LRRC43: variants seen among roughly 807,000 people sequenced by gnomAD.
LRRC43 encodes leucine rich repeat containing 43, also known as leucine-rich repeat-containing protein 43.
In LRRC43, 62 loss-of-function variants were observed where a neutral mutation model predicts 64.3. That is an observed-to-expected ratio of 0.96 (90% confidence interval 0.79 to 1.19). The LOEUF is 1.19. LRRC43 is among the 50% of genes most tolerant of loss of function. The pLI, the probability that LRRC43 is intolerant of heterozygous loss-of-function variation, is 0.00. For missense variants in LRRC43, 868 were observed against 845.0 expected (o/e 1.03, Z -0.34); for synonymous variants, 422 against 382.3 (o/e 1.10, Z -1.21).
In LRRC43 at chr12:122,193,381, T is replaced by TAAAAAAA. The variant is rs34910328; in HGVS notation, c.1349+399_1349+405dup. Among the ~76,000 whole-genome samples, 98 of 47,176 alleles carry TAAAAAAA rather than the reference T, an allele frequency of 2.1e-3. 7 individuals are homozygous for TAAAAAAA. The highest frequency in any genetic ancestry group is 5.4e-3 in the African/African-American group (64 of 11,786). 30.9% of individuals were successfully genotyped at this position (47,176 alleles called of 152,430 possible). A position where few individuals can be genotyped will look rare whatever the true frequency, so the allele number is the denominator to read the frequency against. ...GGCGACAGAGCGAGACTCCGTCTCA[T>TAAAAAAA]AAAAAAAAAAAAAAAAAAAAAAAAA... On this transcript the variant is annotated intron_variant, in intron 7 of 11. Transcript: ENST00000339777.
chr12:122,172,080 A>G (rs908288850), intron 1 of LRRC43: 16 of 195,660 alleles, frequency 8.2e-5, no homozygotes, highest in Non-Finnish European at 1.4e-4. Context: ...GGGCTCCCCC[A>G]GGGAGCATTG....
At position 122,200,533 on chromosome 12, in the gene LRRC43, T is replaced by C. The variant is rs1319629606; in HGVS notation, c.1493T>C (p.Ile498Thr). Residue 498 changes from isoleucine (I) to threonine (T), a missense_variant and splice_region_variant, in exon 9 of 12, where the codon ATT (isoleucine) becomes ACT (threonine). Coordinates refer to ENST00000339777, the MANE Select transcript of LRRC43 (RefSeq NM_001098519.2). This position sits in a 1 kb window ranked among gnomAD's most constrained non-coding sequence, Gnocchi z 4.6. Reference protein sequence around the residue: ...GTTVTIVEEKILSWPVVLPAV... With the variant: ...GTTVTIVEEKTLSWPVVLPAV... ...TCGAGGATTCTCTCCTGCCCCTAGA[T>C]TCTCTCCTGGCCTGTGGTGCTACCT... 1.2e-6 allele frequency: 2 copies of C among 1,614,030 alleles called. No individual in the cohort carries two copies. Among genetic ancestry groups the C allele is most frequent in the Admixed American group, 1.7e-5 (1 of 60,016 alleles).
chr12:122,185,022 T>G (rs564068083), intron 2 of LRRC43, among the ~76,000 whole-genome samples: 5 of 152,322 alleles, frequency 3.3e-5, no homozygotes, highest in Admixed American at 3.3e-4. Context: ...CTTCCACCCC[T>G]GAGTTCTGCA....
chr12:122,200,227 A>G lies in LRRC43; in HGVS notation c.1388A>G (p.Glu463Gly). The G allele has an allele frequency of 6.2e-7, 1 of 1,613,782 alleles. No homozygotes were observed. The highest frequency in any genetic ancestry group is 8.5e-7 in the Non-Finnish European group (1 of 1,179,936). Residue 463 changes from glutamate to glycine, a missense_variant, in exon 8 of 12, where the codon GAG (glutamate) becomes GGG (glycine). Transcript: ENST00000339777. The surrounding 1 kb of genome is among the most constrained non-coding windows in gnomAD (Gnocchi z 4.6). Reference sequence around the variant, plus strand: ...AGCACTGCCCACAAGCCCTGGGCTGAGGTCATCCCCTGCAGTTACGAGATG... The same window carrying G: ...AGCACTGCCCACAAGCCCTGGGCTGGGGTCATCCCCTGCAGTTACGAGATG... ...LFSTAHKPWAEVIPCSYEMQH... is the reference protein window; with the variant it reads ...LFSTAHKPWAGVIPCSYEMQH...
upstream of LRRC43, among the ~76,000 whole-genome samples, chr12:122,181,474 C>A (rs1404885642): frequency 6.8e-6 from 1 of 147,450 alleles, no homozygotes; most frequent in Non-Finnish European, 1.5e-5. Context: ...ACCTGGCAGG[C>A]GGAGCTTGCA....
chr12:122,201,184 C>T (rs753531987), intron 10 of LRRC43, 112 bp from the exon 11 acceptor site: 4 of 1,168,742 alleles, frequency 3.4e-6, no homozygotes, highest in African/African-American at 1.5e-5. Context: ...CCAGGAGACC[C>T]CCGCCTTCCT....
intron 7 of LRRC43, among the ~76,000 whole-genome samples, chr12:122,199,746 G>A (rs1287694211): frequency 6.6e-6 from 1 of 152,082 alleles, no homozygotes; most frequent in Non-Finnish European, 1.5e-5. Flanking sequence ...ACCACGCCCA[G>A]CTAATGTTTG....
At chr12:122,201,146 T>TGG (rs1953834444) in intron 10 of LRRC43, 150 bp from the exon 11 acceptor site, 1 of 1,011,146 alleles carries the variant, frequency 9.9e-7, no homozygotes, top group Admixed American at 2.1e-5. Context: ...GCCTTCCCTT[T>TGG]GGGGATGGGC....
chr12:122,184,865 G>C lies in LRRC43; in HGVS notation c.411+86G>C. The stretch of plus-strand genomic sequence containing the variant: ...GGGAGGGCACCCTTCCCCACAGCGC[G>C]TCAGGGATCCTGCTTTCAGGGCTGA... On this transcript the variant is annotated intron_variant, in intron 2 of 11. Coordinates refer to ENST00000339777, the MANE Select transcript of LRRC43 (RefSeq NM_001098519.2). This position sits in a 1 kb window ranked among gnomAD's most constrained non-coding sequence, Gnocchi z 4.0. The C allele has an allele frequency of 7.0e-7, 1 of 1,425,630 alleles. No individual in the cohort carries two copies. Among genetic ancestry groups the C allele is most frequent in the South Asian group, 1.3e-5 (1 of 77,498 alleles). 88.3% of individuals were successfully genotyped at this position (1,425,630 alleles called of 1,614,324 possible). A position where few individuals can be genotyped will look rare whatever the true frequency, so the allele number is the denominator to read the frequency against.
intron 7 of LRRC43, among the ~76,000 whole-genome samples, chr12:122,193,335 C>A (rs1472694455): frequency 7.3e-6 from 1 of 137,432 alleles, no homozygotes; most frequent in Non-Finnish European, 1.5e-5. Flanking sequence ...GAGCCGAGAT[C>A]GTGCCACTGC....
At chr12:122,173,698 AG>A in intron 1 of LRRC43, 1 of 652,024 alleles carries the variant, frequency 1.5e-6, no homozygotes, top group Non-Finnish European at 2.6e-6. Flanking sequence ...AAAAAAAAAA[AG>A]CCATCTTTGC....
At chr12:122,201,122 T>C (rs1204169471) in intron 10 of LRRC43, among the ~76,000 whole-genome samples, 174 bp from the exon 11 acceptor site, 1 of 152,166 alleles carries the variant, frequency 6.6e-6, no homozygotes. Flanking sequence ...CCGTGGACTT[T>C]GGCCCAGTCA....
Position 122,184,950 on chromosome 12 carries a change from C to G in LRRC43, c.411+171C>G, listed in dbSNP as rs541236177. ...TCCCTGGCTTGTGTGCCAGGCAGGGCCGGCTACTCGGTCAGCCTTGCGTTT... is the reference window on the plus strand; with the variant it reads ...TCCCTGGCTTGTGTGCCAGGCAGGGGCGGCTACTCGGTCAGCCTTGCGTTT... On this transcript the variant is annotated intron_variant, in intron 2 of 11. Transcript: ENST00000339777. This position sits in a 1 kb window ranked among gnomAD's most constrained non-coding sequence, Gnocchi z 4.0. Among the ~76,000 whole-genome samples, 179 of 152,286 alleles carry G rather than the reference C, an allele frequency of 1.2e-3. 1 individual carries two copies. The highest frequency in any genetic ancestry group is 4.0e-3 in the African/African-American group (167 of 41,560).
At chr12:122,183,351 G>T in intron 1 of LRRC43, 57 bp downstream of exon 1, 4 of 1,385,608 alleles carry the variant, frequency 2.9e-6, no homozygotes, top group Middle Eastern at 2.5e-4. Context: ...GGAGGCACGG[G>T]CCCGGGCGAG....
chr12:122,170,585 T>G (rs897506085), intron 1 of LRRC43, among the ~76,000 whole-genome samples: 1 of 151,648 alleles, frequency 6.6e-6, no homozygotes, highest in Non-Finnish European at 1.5e-5. Flanking sequence ...GAGCCGAGAT[T>G]GCACCACTGC....
rs1226850804 is a variant in LRRC43 at position 122,200,596 on chromosome 12, G to GGGAGAAAGACAAGAAAGGGAA, written c.1568_1588dup (p.Lys523_Asp529dup). 1.9e-5 allele frequency: 30 copies of GGGAGAAAGACAAGAAAGGGAA among 1,614,170 alleles called. No homozygotes were observed. The highest frequency in any genetic ancestry group is 2.5e-5 in the Non-Finnish European group (29 of 1,180,026). The stretch of plus-strand genomic sequence containing the variant: ...CCCCTGTCTGCCAAGAAAGGAAAGG[G>GGGAGAAAGACAAGAAAGGGAA]GGAGAAAGACAAGAAAGGGAAGGAG... On this transcript the variant is annotated inframe_insertion, in exon 9 of 12. Transcript: ENST00000339777. This position sits in a 1 kb window ranked among gnomAD's most constrained non-coding sequence, Gnocchi z 4.6.
At chr12:122,172,738 C>T in intron 1 of LRRC43, 1 of 1,604,818 alleles carries the variant, frequency 6.2e-7, no homozygotes, top group Non-Finnish European at 8.5e-7. Flanking sequence ...TTCTCTTCCT[C>T]CACCTGTGGA....
chr12:122,174,034 C>T, intron 1 of LRRC43: 1 of 1,613,296 alleles, frequency 6.2e-7, no homozygotes, highest in Non-Finnish European at 8.5e-7. Flanking sequence ...ATCACACACC[C>T]CTGCCCACCC....
rs1375722001 is a variant in LRRC43 at position 122,184,225 on chromosome 12, G to T, written c.151-294G>T. ...TTCTCCTGCCTTAGCCTCCCGAGTA[G>T]CTGAGACTACAGTTGCGTGCCACCA... On this transcript the variant is annotated intron_variant, in intron 1 of 11. Transcript: ENST00000339777. This position sits in a 1 kb window ranked among gnomAD's most constrained non-coding sequence, Gnocchi z 4.0. Among the ~76,000 whole-genome samples the T allele has an allele frequency of 2.0e-5, 3 of 151,858 alleles. No individual in the cohort carries two copies. The highest frequency in any genetic ancestry group is 7.3e-5 in the African/African-American group (3 of 41,348).
Sources: gnomAD v4.1 joint callset for allele counts (sites outside exome capture counted in the v4.1 genomes callset) on GRCh38, gnomAD v4.1.1 for gene constraint, Gnocchi (gnomAD v3.1) non-coding constraint, MANE v1.5 for transcripts, NCBI Gene and HGNC (gene_info 2026-07-23, HGNC 2026-07-21) for gene names.